The following TMEM232 variants were observed in gnomAD, a reference collection of about 807,000 sequenced individuals.
TMEM232 encodes the protein transmembrane protein 232.
Under a neutral mutation model 78.8 loss-of-function variants are expected in TMEM232, and 80 were observed. The observed-to-expected ratio is 1.01, with a 90% CI of 0.85 to 1.22. The LOEUF (loss-of-function observed/expected upper bound fraction) is 1.22. Among genes scored for constraint, TMEM232 ranks in the 50% most tolerant of loss-of-function variants. The pLI is 0.00. For missense variants in TMEM232, 881 were observed against 742.2 expected (o/e 1.19, Z -2.17); for synonymous variants, 297 against 254.3 (o/e 1.17, Z -1.60).
chr5:110,639,269 T>G (rs1281225021), intron 4 of TMEM232, among the ~76,000 whole-genome samples: 1 of 152,130 alleles, frequency 6.6e-6, no homozygotes, highest in Non-Finnish European at 1.5e-5. Flanking sequence ...AAAGTACAGG[T>G]AAAACACTCA....
intron 12 of TMEM232, among the ~76,000 whole-genome samples, chr5:110,507,278 A>G (rs562937776): frequency 1.8e-4 from 28 of 152,296 alleles, no homozygotes; most frequent in African/African-American, 6.5e-4. Flanking sequence ...TCCTTGCTTC[A>G]TAACAGTATG....
intron 12 of TMEM232, among the ~76,000 whole-genome samples, chr5:110,431,790 A>G (rs1305340605): frequency 2.6e-5 from 4 of 151,736 alleles, no homozygotes; most frequent in Non-Finnish European, 5.9e-5. Flanking sequence ...AGCAGAAAAG[A>G]AGATTGGTGA....
At chr5:110,425,145 G>A (rs989620431) in intron 12 of TMEM232, among the ~76,000 whole-genome samples, 3 of 152,090 alleles carry the variant, frequency 2.0e-5, no homozygotes, top group African/African-American at 7.2e-5. Flanking sequence ...GATGATTAAA[G>A]TGCATATCCC....
intron 1 of TMEM232, among the ~76,000 whole-genome samples, chr5:110,702,885 C>A (rs536294251): frequency 1.3e-5 from 2 of 152,154 alleles, no homozygotes; most frequent in East Asian, 3.9e-4. Context: ...AATATTTACA[C>A]TGACAGACGT....
At chr5:110,531,524 A>T (rs558240126) in intron 11 of TMEM232, among the ~76,000 whole-genome samples, 44 of 151,994 alleles carry the variant, frequency 2.9e-4, no homozygotes, top group African/African-American at 9.9e-4. Context: ...ACTATCCCTC[A>T]ATCTCTTTCG....
chr5:110,556,665 G>A (rs1259317233), intron 11 of TMEM232, among the ~76,000 whole-genome samples: 1 of 152,126 alleles, frequency 6.6e-6, no homozygotes, highest in Non-Finnish European at 1.5e-5. Context: ...GGGATTACAA[G>A]CCCGACAGAA....
intron 1 of TMEM232, among the ~76,000 whole-genome samples, chr5:110,704,828 A>G (rs1452825173): frequency 6.6e-6 from 1 of 152,112 alleles, no homozygotes; most frequent in African/African-American, 2.4e-5. Flanking sequence ...CTGTATTACT[A>G]TGAATATAGT....
intron 10 of TMEM232, among the ~76,000 whole-genome samples, chr5:110,580,106 A>G (rs982162458): frequency 2.6e-5 from 4 of 151,730 alleles, no homozygotes; most frequent in African/African-American, 9.7e-5. Context: ...TCAATCCACT[A>G]AAAAGATATA....
chr5:110,705,723 T>TAC (rs1554082717), intron 1 of TMEM232, among the ~76,000 whole-genome samples: 4 of 29,378 alleles, frequency 1.4e-4, no homozygotes, highest in East Asian at 3.0e-3. Context: ...TATATATATA[T>TAC]ACACACACAC....
At chr5:110,518,156 C>G (rs1427752910) in intron 12 of TMEM232, among the ~76,000 whole-genome samples, 2 of 151,990 alleles carry the variant, frequency 1.3e-5, no homozygotes, top group African/African-American at 4.8e-5. Context: ...TTCTCTGTCT[C>G]TCTTTCATCT....
chr5:110,445,738 C>G (rs1295269428), intron 12 of TMEM232, among the ~76,000 whole-genome samples: 1 of 152,142 alleles, frequency 6.6e-6, no homozygotes, highest in South Asian at 2.1e-4. Context: ...AGCTAATTCA[C>G]ATGATTATTG....
At chr5:110,613,018 G>C (rs963069895) in intron 8 of TMEM232, among the ~76,000 whole-genome samples, 2 of 152,134 alleles carry the variant, frequency 1.3e-5, no homozygotes, top group Non-Finnish European at 2.9e-5. Context: ...CTCCAGCTAT[G>C]GGCAGATAAA....
chr5:110,577,166 A>G (rs1326158184), intron 10 of TMEM232, among the ~76,000 whole-genome samples: 1 of 152,026 alleles, frequency 6.6e-6, no homozygotes, highest in African/African-American at 2.4e-5. Flanking sequence ...CTATAAGAAA[A>G]TTAAACAAAT....
chr5:110,700,786 GTAGATAGATAGA>G lies in TMEM232; in HGVS notation c.-13+25829_-13+25840del, dbSNP rs34938658. On this transcript the variant is annotated intron_variant, in intron 1 of 13. Transcript: ENST00000455884. ...GGTAGGTAGGTAGATAGATAGATAG[GTAGATAGATAGA>G]TAGATAGATAGATAGATAGATAGAT... Among the ~76,000 whole-genome samples the G allele has an allele frequency of 2.4e-3, 349 of 142,608 alleles. 1 individual carries two copies. The highest frequency in any genetic ancestry group is 6.4e-3 in the African/African-American group (243 of 37,886). 93.6% of individuals were successfully genotyped at this position (142,608 alleles called of 152,430 possible). A position where few individuals can be genotyped will look rare whatever the true frequency, so the allele number is the denominator to read the frequency against.
intron 10 of TMEM232, among the ~76,000 whole-genome samples, chr5:110,575,200 A>C (rs1237143857): frequency 6.6e-6 from 1 of 152,072 alleles, no homozygotes; most frequent in East Asian, 1.9e-4. Flanking sequence ...CATAATATAT[A>C]TTAGTGAAAT....
chr5:110,520,710 G>A (rs116641277), intron 12 of TMEM232, among the ~76,000 whole-genome samples: 2,953 of 152,146 alleles, frequency 0.019, 91 homozygotes, highest in African/African-American at 0.068. Context: ...ACCTGAGATC[G>A]GTGGTCGAGA....
intron 11 of TMEM232, among the ~76,000 whole-genome samples, chr5:110,536,269 G>A (rs1423268129): frequency 6.6e-6 from 1 of 152,194 alleles, no homozygotes; most frequent in Non-Finnish European, 1.5e-5. Flanking sequence ...TCTAGTAAGG[G>A]AACTGAGCCC....
At chr5:110,694,998 C>T (rs536098612) in intron 1 of TMEM232, among the ~76,000 whole-genome samples, 2 of 152,296 alleles carry the variant, frequency 1.3e-5, no homozygotes, top group Non-Finnish European at 2.9e-5. Flanking sequence ...ACAGAATATA[C>T]ATTCTTTTCA....
chr5:110,708,362 A>T (rs527412034), intron 1 of TMEM232, among the ~76,000 whole-genome samples: 8 of 152,376 alleles, frequency 5.3e-5, no homozygotes, highest in African/African-American at 1.7e-4. Context: ...TCACAGAAAG[A>T]AAAGGACATT....
Sources: gnomAD v4.1 joint callset for allele counts (sites outside exome capture counted in the v4.1 genomes callset) on GRCh38, gnomAD v4.1.1 for gene constraint, MANE v1.5 for transcripts, NCBI Gene and HGNC (gene_info 2026-07-23, HGNC 2026-07-21) for gene names.